The following CTSS variants were observed in gnomAD, a reference collection of about 807,000 sequenced individuals.
The protein encoded by CTSS is cathepsin S.
Under a neutral mutation model 39.9 loss-of-function variants are expected in CTSS, and 15 were observed. That is an observed-to-expected ratio of 0.38 (90% confidence interval 0.25 to 0.58). CTSS has a LOEUF of 0.58. CTSS is among the 20% of genes least tolerant of loss of function. The pLI is 0.70. For synonymous variants in CTSS, 126 were observed against 138.2 expected (o/e 0.91, Z 0.62); for missense variants, 250 against 398.2 (o/e 0.63, Z 3.17).
chr1:150,758,869 G>A (rs1337359050), intron 2 of CTSS, among the ~76,000 whole-genome samples: 2 of 138,656 alleles, frequency 1.4e-5, no homozygotes, highest in African/African-American at 2.7e-5. Context: ...TTTTTTTTTA[G>A]ACAGGGTCTT....
chr1:150,755,171 C>A (rs749071458), intron 3 of CTSS, 21 bp from the exon 4 acceptor site: 4 of 1,611,950 alleles, frequency 2.5e-6, no homozygotes, highest in Non-Finnish European at 3.4e-6. Flanking sequence ...AATATACAGT[C>A]AGGCATTGTT....
At chr1:150,743,218 T>C (rs1030367320) in intron 7 of CTSS, among the ~76,000 whole-genome samples, 18 of 151,966 alleles carry the variant, frequency 1.2e-4, no homozygotes, top group African/African-American at 3.6e-4. Context: ...AAATGTGCCA[T>C]TGCATATGTT....
chr1:150,746,887 A>C (rs962091888), intron 7 of CTSS, among the ~76,000 whole-genome samples: 3 of 152,180 alleles, frequency 2.0e-5, no homozygotes, highest in Non-Finnish European at 2.9e-5. Context: ...GGGAACATTA[A>C]TTTTACACCG....
chr1:150,735,177 G>T (rs1338309768), intron 7 of CTSS, among the ~76,000 whole-genome samples: 1 of 152,154 alleles, frequency 6.6e-6, no homozygotes, highest in Admixed American at 6.5e-5. Context: ...TTGGCTCAGG[G>T]ACTCAAAGTT....
At chr1:150,758,485 T>C in intron 2 of CTSS, among the ~76,000 whole-genome samples, 2 of 136,296 alleles carry the variant, frequency 1.5e-5, no homozygotes, top group South Asian at 4.2e-4. Context: ...GATGGTTTAA[T>C]ATTATTTTAT....
At chr1:150,743,496 G>GATATATAT (rs10609824) in intron 7 of CTSS, among the ~76,000 whole-genome samples, 14 of 124,910 alleles carry the variant, frequency 1.1e-4, no homozygotes, top group African/African-American at 4.2e-4. Flanking sequence ...GAGGCTGGGA[G>GATATATAT]ATATATATAT....
At position 150,750,165 on chromosome 1, in the gene CTSS, T is replaced by G. The variant is rs1284813450; in HGVS notation, c.634A>C (p.Lys212Gln). Residue 212 changes from lysine (K) to glutamine (Q), a missense_variant, in exon 6 of 8, where the codon AAA (lysine) becomes CAA (glutamine). Lys to Gln is a moderately conservative substitution (Grantham distance 53). Transcript: ENST00000368985. ...ASYPYKAMDQ[K>Q]CQYDSKYRAA... ...CGATATTTTGAGTCATATTGACATT[T>G]CTGATCCTGCAAAAAGAAGTATAAA... The G allele has an allele frequency of 6.2e-7, 1 of 1,607,988 alleles. No homozygotes were observed. Among genetic ancestry groups the G allele is most frequent in the Non-Finnish European group, 8.5e-7 (1 of 1,175,148 alleles).
Position 150,764,690 on chromosome 1 carries a change from T to C in CTSS, c.74A>G (p.Asp25Gly), listed in dbSNP as rs1653331856. ...TTTCTTCCAGAGATGCCAGTGGTGA[T>C]CCAGGGTAGGATCTTTATGCAACTG... ...VAQLHKDPTL[D>G]HHWHLWKKTY... Residue 25 changes from aspartate to glycine, a missense_variant, in exon 2 of 8, where the codon GAT (aspartate) becomes GGT (glycine). By Grantham distance (94) the Asp-to-Gly change is moderately conservative. Transcript: ENST00000368985. 6.2e-7 allele frequency: 1 copy of C among 1,614,160 alleles called. No individual in the cohort carries two copies. Among genetic ancestry groups the C allele is most frequent in the Non-Finnish European group, 8.5e-7 (1 of 1,180,014 alleles).
Position 150,758,077 on chromosome 1 carries a change from TCTCA to T in CTSS, c.127-101_127-98del, listed in dbSNP as rs1653171646. 10 of 1,139,384 alleles carry T rather than the reference TCTCA, an allele frequency of 8.8e-6. 1 individual carries two copies. Among genetic ancestry groups the T allele is most frequent in the Non-Finnish European group, 1.2e-5 (10 of 810,858 alleles). 70.6% of individuals were successfully genotyped at this position (1,139,384 alleles called of 1,614,324 possible). ...AATTTTTTTTTTTTTTGAGATGGAG[TCTCA>T]CTCTGTCACCCAAGCTGGAGTCCAA... On this transcript the variant is annotated intron_variant, in intron 2 of 7. Transcript: ENST00000368985.
At position 150,764,660 on chromosome 1, in the gene CTSS, T is replaced by C. The variant is rs1653330868; in HGVS notation, c.104A>G (p.Tyr35Cys). The C allele has an allele frequency of 1.9e-6, 3 of 1,614,178 alleles. No homozygotes were observed. Among genetic ancestry groups the C allele is most frequent in the Non-Finnish European group, 2.5e-6 (3 of 1,180,010 alleles). ...TACCTTTTCCTTGTATTGTTTGCCA[T>C]AGGTTTTCTTCCAGAGATGCCAGTG... Reference protein sequence around the residue: ...DHHWHLWKKTYGKQYKEKNEE... With the variant: ...DHHWHLWKKTCGKQYKEKNEE... The change falls in exon 2 of 8, where the codon TAT becomes TGT. Residue 35 changes from tyrosine to cysteine, a missense_variant. Coordinates refer to ENST00000368985, the MANE Select transcript of CTSS (RefSeq NM_004079.5).
intron 7 of CTSS, among the ~76,000 whole-genome samples, chr1:150,737,367 G>A (rs1282847477): frequency 6.6e-6 from 1 of 152,168 alleles, no homozygotes; most frequent in East Asian, 1.9e-4. Context: ...CTCCCAAAGT[G>A]CTGGGATTAC....
chr1:150,758,017 T>A (rs757041710), intron 2 of CTSS, 37 bp from the exon 3 acceptor site: 14 of 1,584,942 alleles, frequency 8.8e-6, no homozygotes, highest in Non-Finnish European at 1.2e-5. Context: ...TCATACTGCA[T>A]CCTGGACAAA....
intron 5 of CTSS, among the ~76,000 whole-genome samples, chr1:150,750,857 G>T (rs1652993247): frequency 6.6e-6 from 1 of 151,868 alleles, no homozygotes; most frequent in Non-Finnish European, 1.5e-5. Context: ...GCACAGGCTG[G>T]TCTCAAACTC....
rs761970293 is a variant in CTSS at position 150,755,051 on chromosome 1, C to T, written c.349G>A (p.Asp117Asn). 2 of 1,614,006 alleles carry T rather than the reference C, an allele frequency of 1.2e-6. No individual in the cohort carries two copies. Among genetic ancestry groups the T allele is most frequent in the Non-Finnish European group, 1.7e-6 (2 of 1,180,006 alleles). Residue 117 changes from aspartate (D) to asparagine (N), a missense_variant, in exon 4 of 8, where the codon GAT (aspartate) becomes AAT (asparagine). Transcript: ENST00000368985. ...CCTTTCTCTCTCCAGTCCACAGAAT[C>T]AGGCAATATCCGATTAGGGTTTGAC... ...YKSNPNRILPDSVDWREKGCV... is the reference protein window; with the variant it reads ...YKSNPNRILPNSVDWREKGCV...
chr1:150,760,780 G>A (rs1653237814), intron 2 of CTSS, among the ~76,000 whole-genome samples: 1 of 152,018 alleles, frequency 6.6e-6, no homozygotes, highest in Non-Finnish European at 1.5e-5. Flanking sequence ...TTACTTGGAA[G>A]GCTGAGGCAA....
At chr1:150,749,117 A>G (rs781094778) in intron 6 of CTSS, among the ~76,000 whole-genome samples, 1 of 152,150 alleles carries the variant, frequency 6.6e-6, no homozygotes, top group Non-Finnish European at 1.5e-5. Context: ...TGATAACCCT[A>G]TGATAGCTTC....
At chr1:150,763,623 G>A (rs1653307498) in intron 2 of CTSS, among the ~76,000 whole-genome samples, 1 of 151,966 alleles carries the variant, frequency 6.6e-6, no homozygotes, top group Non-Finnish European at 1.5e-5. Context: ...TGACCTAAGA[G>A]TGTCATTTTT....
At chr1:150,746,966 G>T (rs182560332) in intron 7 of CTSS, among the ~76,000 whole-genome samples, 4 of 152,258 alleles carry the variant, frequency 2.6e-5, no homozygotes, top group Admixed American at 1.3e-4. Flanking sequence ...TTTGGCAGCA[G>T]TATGAAAGAT....
intron 5 of CTSS, among the ~76,000 whole-genome samples, chr1:150,750,947 T>C (rs1652994803): frequency 6.6e-6 from 1 of 152,092 alleles, no homozygotes; most frequent in Admixed American, 6.6e-5. Context: ...TGGCCAACTA[T>C]GTTTTTTAAG....
Sources: allele counts gnomAD v4.1 joint callset (sites outside exome capture counted in the v4.1 genomes callset), GRCh38; gene constraint gnomAD v4.1.1; transcripts MANE v1.5; gene names NCBI Gene and HGNC (gene_info 2026-07-23, HGNC 2026-07-21).